Variants in CPPED1 observed in about 807,000 individuals in gnomAD.
CPPED1 encodes the protein calcineurin like phosphoesterase domain containing 1.
CPPED1 carries 28 observed loss-of-function variants against 28.0 expected under a neutral mutation model. The ratio of observed to expected loss-of-function variants is 1.00; its 90% CI spans 0.74 to 1.37. The LOEUF (loss-of-function observed/expected upper bound fraction) is 1.37. CPPED1 is among the 40% of genes most tolerant of loss of function. The pLI is 0.00. For missense variants in CPPED1, 504 were observed against 416.5 expected, an observed-to-expected ratio of 1.21 and a Z score of -1.83; for synonymous variants, 198 against 180.2, an observed-to-expected ratio of 1.10 and a Z score of -0.79.
At chr16:12,699,310 A>G (rs1444728611) in intron 3 of CPPED1, among the ~76,000 whole-genome samples, 1 of 152,174 alleles carries the variant, frequency 6.6e-6, no homozygotes, top group African/African-American at 2.4e-5. Flanking sequence ...TGTACCGGCT[A>G]TTGACAATGT....
chr16:12,679,057 G>C (rs190182355), intron 3 of CPPED1, among the ~76,000 whole-genome samples: 2 of 152,286 alleles, frequency 1.3e-5, no homozygotes, highest in Non-Finnish European at 1.5e-5. Flanking sequence ...AAGGATTTGA[G>C]AGTTTGATCA....
rs951044565 is a variant in CPPED1, at chr16:12,784,024, ACCCT to A, written c.71-2625_71-2622del. 2.0e-5 allele frequency among the ~76,000 whole-genome samples: 3 copies of A among 152,120 alleles called. No homozygotes were observed. The East Asian group carries it at 5.8e-4, about 29-fold the overall frequency. On this transcript the variant is annotated intron_variant, in intron 1 of 3. Coordinates refer to ENST00000381774, the MANE Select transcript of CPPED1 (RefSeq NM_018340.3). ...CCTGATATTCACATCCCTGTGCAAC[ACCCT>A]CCCTTTGAGTGTGGGCTGCAACTTG...
At chr16:12,727,162 G>A (rs938644844) in intron 2 of CPPED1, among the ~76,000 whole-genome samples, 6 of 152,202 alleles carry the variant, frequency 3.9e-5, no homozygotes, top group African/African-American at 1.4e-4. Flanking sequence ...CCAAATGTGT[G>A]TCCAGTATAG....
rs1208239245 is a variant in CPPED1, at chr16:12,780,159, TG to T, written c.289+1025del. Among the ~76,000 whole-genome samples, 3 of 152,184 alleles carry T rather than the reference TG, an allele frequency of 2.0e-5. No homozygotes were observed. The East Asian group carries it at 5.8e-4, about 29-fold the overall frequency. ...CATGTGAGCCAGAGGGGTATGAGCCTGGGACTTTGTTTTTTGTTTGTTTGTG... is the reference window on the plus strand; with the variant it reads ...CATGTGAGCCAGAGGGGTATGAGCCTGGACTTTGTTTTTTGTTTGTTTGTG... On this transcript the variant is annotated intron_variant, in intron 2 of 3. Transcript: ENST00000381774.
intron 3 of CPPED1, among the ~76,000 whole-genome samples, chr16:12,697,382 C>CCACCCCCA (rs111503969): frequency 3.0e-4 from 46 of 151,600 alleles, no homozygotes; most frequent in Non-Finnish European, 6.6e-4. Context: ...TGTCTGCAAT[C>CCACCCCCA]CATCACATCC....
chr16:12,678,511 A>G (rs913210045), intron 3 of CPPED1, among the ~76,000 whole-genome samples: 1 of 152,186 alleles, frequency 6.6e-6, no homozygotes, highest in Admixed American at 6.5e-5. Flanking sequence ...CCGTATTAAC[A>G]TTGGCCCTGC....
chr16:12,695,971 T>A (rs971861853), intron 3 of CPPED1, among the ~76,000 whole-genome samples: 5 of 152,202 alleles, frequency 3.3e-5, no homozygotes, highest in Non-Finnish European at 7.4e-5. Flanking sequence ...CTACATTCTG[T>A]AAGAATTTTT....
At chr16:12,698,193 C>T (rs1200899178) in intron 3 of CPPED1, among the ~76,000 whole-genome samples, 1 of 152,138 alleles carries the variant, frequency 6.6e-6, no homozygotes, top group African/African-American at 2.4e-5. Context: ...AGACTTGAAT[C>T]ACGCTTAATT....
Position 12,706,762 on chromosome 16 carries a change from G to T in CPPED1, c.290-1713C>A, listed in dbSNP as rs1050191592. On this transcript the variant is annotated intron_variant, in intron 2 of 3. Coordinates refer to ENST00000381774, the MANE Select transcript of CPPED1 (RefSeq NM_018340.3). ...TGGAAGAGAGGACTCTCGGTCCCTG[G>T]AGCAGGCACGACCTGCTTCCACAGG... 2.6e-5 allele frequency among the ~76,000 whole-genome samples: 4 copies of T among 152,054 alleles called. 1 individual carries two copies. The South Asian group carries it at 8.3e-4, about 32-fold the overall frequency.
intron 2 of CPPED1, among the ~76,000 whole-genome samples, chr16:12,742,698 A>G (rs2080262745): frequency 1.3e-5 from 2 of 152,170 alleles, no homozygotes; most frequent in South Asian, 4.1e-4. Context: ...AACATTGCCC[A>G]ATAGCTGCTT....
intron 3 of CPPED1, among the ~76,000 whole-genome samples, chr16:12,668,655 A>T (rs1567271062): frequency 6.6e-6 from 1 of 152,244 alleles, no homozygotes; most frequent in South Asian, 2.1e-4. Context: ...AGACAACCCA[A>T]TTAACAAGCG....
intron 1 of CPPED1, among the ~76,000 whole-genome samples, chr16:12,787,527 C>G (rs1354170699): frequency 6.6e-6 from 1 of 151,694 alleles, no homozygotes; most frequent in Non-Finnish European, 1.5e-5. Flanking sequence ...ACCTTAGCCT[C>G]CTGAGCAGCT....
At chr16:12,713,054 G>C (rs1028899930) in intron 2 of CPPED1, among the ~76,000 whole-genome samples, 4 of 151,972 alleles carry the variant, frequency 2.6e-5, no homozygotes, top group East Asian at 1.9e-4. Flanking sequence ...CTCAGAAAGA[G>C]AGAAAATGGG....
chr16:12,792,744 C>T (rs982081396), intron 1 of CPPED1, among the ~76,000 whole-genome samples: 4 of 152,116 alleles, frequency 2.6e-5, no homozygotes, highest in African/African-American at 4.8e-5. Context: ...TTTTATAAAG[C>T]GCAGTTCCCC....
chr16:12,677,508 G>A (rs981786532), intron 3 of CPPED1, among the ~76,000 whole-genome samples: 2 of 152,354 alleles, frequency 1.3e-5, no homozygotes, highest in Non-Finnish European at 2.9e-5. Context: ...TGGATGTGGT[G>A]GTGGGCGTCA....
intron 2 of CPPED1, among the ~76,000 whole-genome samples, chr16:12,740,915 T>C (rs962755851): frequency 3.3e-5 from 5 of 152,210 alleles, no homozygotes; most frequent in African/African-American, 1.2e-4. Flanking sequence ...GCTTGTTACC[T>C]GCAGGCAAAC....
intron 3 of CPPED1, among the ~76,000 whole-genome samples, chr16:12,696,095 A>G (rs893301565): frequency 6.6e-6 from 1 of 152,164 alleles, no homozygotes; most frequent in Non-Finnish European, 1.5e-5. Flanking sequence ...GTAATCGTCT[A>G]TCTTCCCGCA....
chr16:12,676,739 C>T (rs2079879695), intron 3 of CPPED1, among the ~76,000 whole-genome samples: 1 of 152,036 alleles, frequency 6.6e-6, no homozygotes, highest in Non-Finnish European at 1.5e-5. Flanking sequence ...CCTGAGGGGG[C>T]ATCATATTAT....
intron 2 of CPPED1, among the ~76,000 whole-genome samples, chr16:12,742,549 C>T (rs148789771): frequency 4.5e-4 from 68 of 152,274 alleles, no homozygotes; most frequent in Middle Eastern, 3.4e-3. Context: ...TCCAAACCAC[C>T]GTGGAGCTTT....
Sources: allele counts gnomAD v4.1 joint callset (sites outside exome capture counted in the v4.1 genomes callset), GRCh38; gene constraint gnomAD v4.1.1; transcripts MANE v1.5; gene names NCBI Gene and HGNC (gene_info 2026-07-23, HGNC 2026-07-21).